EPAS1: variants seen among roughly 807,000 people sequenced by gnomAD.
EPAS1 encodes the protein endothelial PAS domain-containing protein 1.
A neutral mutation model predicts 87.9 loss-of-function variants in EPAS1; 23 were observed. That is an observed-to-expected ratio of 0.26 (90% CI 0.19 to 0.37). EPAS1 has a LOEUF of 0.37. EPAS1 is among the 10% of genes least tolerant of loss of function. The pLI is 1.00. For missense variants in EPAS1, 1,138 were observed against 1,120.7 expected, an observed-to-expected ratio of 1.02 and a Z score of -0.22; for synonymous variants, 508 against 444.3, an observed-to-expected ratio of 1.14 and a Z score of -1.80.
At chr2:46,329,901 C>T (rs1162322507) in intron 1 of EPAS1, among the ~76,000 whole-genome samples, 3 of 152,184 alleles carry the variant, frequency 2.0e-5, no homozygotes, top group South Asian at 2.1e-4. Context: ...TAGCTTCTGC[C>T]TGCCTCTGTG....
At chr2:46,311,871 G>C (rs1015277058) in intron 1 of EPAS1, among the ~76,000 whole-genome samples, 17 of 152,174 alleles carry the variant, frequency 1.1e-4, no homozygotes, top group Admixed American at 7.9e-4. Context: ...AGAAAACCCA[G>C]GCAGAAAGGA....
intron 9 of EPAS1, among the ~76,000 whole-genome samples, chr2:46,377,005 C>G (rs1357408656): frequency 1.3e-5 from 2 of 152,164 alleles, no homozygotes; most frequent in Non-Finnish European, 2.9e-5. Flanking sequence ...GAGAGGACAC[C>G]CCCCTGAGGG....
chr2:46,308,905 T>C (rs1241946660), intron 1 of EPAS1, among the ~76,000 whole-genome samples: 1 of 152,234 alleles, frequency 6.6e-6, no homozygotes, highest in Non-Finnish European at 1.5e-5. Flanking sequence ...TTATAGATGG[T>C]CTTCAGTCTG....
chr2:46,379,975 G>A (rs530116730), intron 11 of EPAS1: 4 of 599,468 alleles, frequency 6.7e-6, no homozygotes, highest in African/African-American at 3.7e-5. Context: ...ATGGGGAGAG[G>A]AGAACATTTC....
chr2:46,361,155 G>A (rs1230914333), intron 6 of EPAS1, 65 bp downstream of exon 6: 2 of 1,545,834 alleles, frequency 1.3e-6, no homozygotes, highest in Non-Finnish European at 1.8e-6. Context: ...GTGGGGAGTT[G>A]TGCCTGTATT....
chr2:46,380,912 G>T lies in EPAS1; in HGVS notation c.2045+195G>T, dbSNP rs1164846666. ...CTAGTGTAGGATGGGTTTTTATCTG[G>T]GCTGCCACTGAGGGCAGGCAAAGAA... On this transcript the variant is annotated intron_variant, in intron 12 of 15. Transcript: ENST00000263734. This position sits in a 1 kb window ranked among gnomAD's most constrained non-coding sequence, Gnocchi z 4.4. Among the ~76,000 whole-genome samples the T allele has an allele frequency of 6.6e-6, 1 of 152,082 alleles. No homozygotes were observed. Among genetic ancestry groups the T allele is most frequent in the Non-Finnish European group, 1.5e-5 (1 of 68,014 alleles).
chr2:46,356,129 T>TGGGGGGGGGGGG, intron 2 of EPAS1, 22 bp from the exon 3 acceptor site: 4 of 1,242,732 alleles, frequency 3.2e-6, no homozygotes, highest in Non-Finnish European at 4.5e-6. Context: ...ATGCAAGCTG[T>TGGGGGGGGGGGG]CCCACCCCCC....
intron 2 of EPAS1, among the ~76,000 whole-genome samples, chr2:46,349,589 G>A (rs1378813594): frequency 6.6e-6 from 1 of 152,194 alleles, no homozygotes; most frequent in Admixed American, 6.5e-5. Flanking sequence ...TCTGTCCCAA[G>A]GAAAGAAATG....
intron 2 of EPAS1, among the ~76,000 whole-genome samples, chr2:46,349,501 G>A (rs1441999512): frequency 6.6e-6 from 1 of 152,190 alleles, no homozygotes; most frequent in Non-Finnish European, 1.5e-5. Flanking sequence ...TGAAAGTTGT[G>A]GACACAAACT....
intron 1 of EPAS1, among the ~76,000 whole-genome samples, chr2:46,341,210 C>T (rs1683905399): frequency 6.6e-6 from 1 of 152,142 alleles, no homozygotes; most frequent in Non-Finnish European, 1.5e-5. Context: ...TTTTCAATAC[C>T]TTCAATTGTG....
intron 1 of EPAS1, among the ~76,000 whole-genome samples, chr2:46,336,585 G>T (rs1353013880): frequency 6.6e-6 from 1 of 152,218 alleles, no homozygotes; most frequent in African/African-American, 2.4e-5. Flanking sequence ...GCTACAAAGA[G>T]AACAGGATTC....
At chr2:46,349,708 G>C (rs891195371) in intron 2 of EPAS1, among the ~76,000 whole-genome samples, 1 of 152,260 alleles carries the variant, frequency 6.6e-6, no homozygotes, top group Non-Finnish European at 1.5e-5. Context: ...TGGTTTCTCA[G>C]CACCCGCTTT....
In EPAS1 at chr2:46,312,327, G is replaced by A. The variant is rs141356955; in HGVS notation, c.26+14390G>A. Among the ~76,000 whole-genome samples, 318 of 152,256 alleles carry A rather than the reference G, an allele frequency of 2.1e-3. 2 individuals carry two copies. Among genetic ancestry groups the A allele is most frequent in the African/African-American group, 7.4e-3 (309 of 41,534 alleles). ...ACTTTTCTAGATCTTTCTCTGATGT[G>A]TGTGACCTAGGACAGGTAATTTAAC... On this transcript the variant is annotated intron_variant, in intron 1 of 15. Transcript: ENST00000263734.
rs1231237101 is a variant in EPAS1, at chr2:46,371,872, A to G, written c.886+1939A>G. 6.6e-6 allele frequency among the ~76,000 whole-genome samples: 1 copy of G among 152,186 alleles called. No individual in the cohort carries two copies. The highest frequency in any genetic ancestry group is 1.5e-5 in the Non-Finnish European group (1 of 68,022). On this transcript the variant is annotated intron_variant, in intron 7 of 15. Coordinates refer to ENST00000263734, the MANE Select transcript of EPAS1 (RefSeq NM_001430.5). This position sits in a 1 kb window ranked among gnomAD's most constrained non-coding sequence, Gnocchi z 4.3. ...GAGACAAATGTAAAAATTTCTGGGA[A>G]TTCTTGGAGGACAGTATTACCTTTT...
chr2:46,298,882 C>T (rs1682939547), intron 1 of EPAS1, among the ~76,000 whole-genome samples: 1 of 152,242 alleles, frequency 6.6e-6, no homozygotes, highest in Admixed American at 6.5e-5. Context: ...ATGTGTGCGG[C>T]TCGCCGCCTG....
At chr2:46,362,472 G>A (rs1684412864) in intron 6 of EPAS1, among the ~76,000 whole-genome samples, 1 of 152,166 alleles carries the variant, frequency 6.6e-6, no homozygotes, top group Non-Finnish European at 1.5e-5. Context: ...GTTAGTGGCT[G>A]GGGGGCAGGA....
rs747106791 is a variant in EPAS1, at chr2:46,378,051, C to G, written c.1407C>G (p.Thr469=). 6.2e-7 allele frequency: 1 copy of G among 1,607,100 alleles called. No individual in the cohort carries two copies. The highest frequency in any genetic ancestry group is 8.5e-7 in the Non-Finnish European group (1 of 1,177,938). ...AGGCAGCTGCCCCGGGCAGCACCACCCCCAGTGCCACCAGCAGCAGCAGCA... is the reference window on the plus strand; with the variant it reads ...AGGCAGCTGCCCCGGGCAGCACCACGCCCAGTGCCACCAGCAGCAGCAGCA... The part of the protein sequence containing the change: ...VPQAAAPGST[T]PSATSSSSSC... The change falls in exon 10 of 16, where the codon ACC becomes ACG. Residue 469 remains threonine (T), a synonymous_variant. Coordinates refer to ENST00000263734, the MANE Select transcript of EPAS1 (RefSeq NM_001430.5).
chr2:46,371,151 G>T lies in EPAS1; in HGVS notation c.886+1218G>T, dbSNP rs182489284. 2.6e-5 allele frequency among the ~76,000 whole-genome samples: 4 copies of T among 152,232 alleles called. No individual in the cohort carries two copies. The East Asian group carries it at 7.7e-4, about 29-fold the overall frequency. Reference sequence around the variant, plus strand: ...AGAGGATTATGGGAGGATTAAAAACGGGTAAAGTAAGTCTGAGAAGATTCC... The same window carrying T: ...AGAGGATTATGGGAGGATTAAAAACTGGTAAAGTAAGTCTGAGAAGATTCC... On this transcript the variant is annotated intron_variant, in intron 7 of 15. Transcript: ENST00000263734. This position sits in a 1 kb window ranked among gnomAD's most constrained non-coding sequence, Gnocchi z 4.3.
intron 1 of EPAS1, among the ~76,000 whole-genome samples, chr2:46,327,207 A>G (rs900478029): frequency 1.3e-5 from 2 of 152,230 alleles, no homozygotes; most frequent in Non-Finnish European, 2.9e-5. Flanking sequence ...ATGGTTGAAT[A>G]TGTATTAAAT....
Sources: gnomAD v4.1 joint callset for allele counts (sites outside exome capture counted in the v4.1 genomes callset) on GRCh38, gnomAD v4.1.1 for gene constraint, Gnocchi (gnomAD v3.1) non-coding constraint, MANE v1.5 for transcripts, NCBI Gene and HGNC (gene_info 2026-07-23, HGNC 2026-07-21) for gene names.